The following SLC35E2B variants were observed in gnomAD, a reference collection of about 807,000 sequenced individuals.
The protein encoded by SLC35E2B is solute carrier family 35, member E2B.
In SLC35E2B, 18 loss-of-function variants were observed where a neutral mutation model predicts 32.4. The observed-to-expected ratio is 0.56, with a 90% CI of 0.38 to 0.82. The LOEUF (loss-of-function observed/expected upper bound fraction) is 0.82. Among genes scored for constraint, SLC35E2B ranks in the 40% least tolerant of loss-of-function variants. SLC35E2B has a pLI of 0.00. For missense variants in SLC35E2B, 263 were observed against 469.5 expected (o/e 0.56, Z 4.06); for synonymous variants, 132 against 209.1 (o/e 0.63, Z 3.18).
rs1315323886 is a variant in SLC35E2B, at chr1:1,665,010, G to A, written c.*772C>T. Reference sequence around the variant, plus strand: ...AGGTTTGTCCTCAACCTCAGGGCTGGAAACCCCCACAGGTAGGAGGGCAGG... The same window carrying A: ...AGGTTTGTCCTCAACCTCAGGGCTGAAAACCCCCACAGGTAGGAGGGCAGG... On this transcript the variant is annotated 3_prime_UTR_variant, in exon 10 of 10. Coordinates refer to ENST00000617444, the MANE Select transcript of SLC35E2B (RefSeq NM_001290264.2). 2.2e-5 allele frequency: 22 copies of A among 980,074 alleles called. No homozygotes were observed. Among genetic ancestry groups the A allele is most frequent in the Non-Finnish European group, 2.7e-5 (22 of 825,200 alleles). 60.7% of individuals were successfully genotyped at this position (980,074 alleles called of 1,614,324 possible).
intron 2 of SLC35E2B, among the ~76,000 whole-genome samples, chr1:1,690,228 CA>C (rs1487747998): frequency 1.4e-5 from 2 of 139,158 alleles, no homozygotes; most frequent in Non-Finnish European, 3.1e-5. Flanking sequence ...TGTGATGAGC[CA>C]AGATCGCGCC....
chr1:1,671,688 G>A (rs1202777259), intron 5 of SLC35E2B, 59 bp from the exon 6 acceptor site: 4 of 1,417,128 alleles, frequency 2.8e-6, no homozygotes, highest in Admixed American at 2.9e-5. Flanking sequence ...TCCCTCCCGA[G>A]GGCCAGGCTG....
At position 1,685,564 on chromosome 1, in the gene SLC35E2B, T is replaced by C. The variant is rs1643940419; in HGVS notation, c.-148+5412A>G. Among the ~76,000 whole-genome samples, 3 of 151,848 alleles carry C rather than the reference T, an allele frequency of 2.0e-5. No homozygotes were observed. The South Asian group carries it at 6.2e-4, about 32-fold the overall frequency. ...TGACTTTCAGAACCATGAAAATATG[T>C]CGCTTGCTTAAAAAGCAAAAATAAT... On this transcript the variant is annotated intron_variant, in intron 2 of 9. Coordinates refer to ENST00000617444, the MANE Select transcript of SLC35E2B (RefSeq NM_001290264.2).
At chr1:1,685,866 C>T (rs1327526732) in intron 2 of SLC35E2B, among the ~76,000 whole-genome samples, 2 of 152,210 alleles carry the variant, frequency 1.3e-5, no homozygotes, top group Non-Finnish European at 2.9e-5. Context: ...GAGTCTCGCT[C>T]TGTCGCCCAG....
chr1:1,685,894 C>T (rs1357572357), intron 2 of SLC35E2B, among the ~76,000 whole-genome samples: 11 of 152,168 alleles, frequency 7.2e-5, no homozygotes, highest in Non-Finnish European at 8.8e-5. Context: ...TGCAATGGCG[C>T]GATCTCAGCT....
rs112503197 is a variant in SLC35E2B at position 1,681,196 on chromosome 1, C to T, written c.-147-4350G>A. Reference sequence around the variant, plus strand: ...AACTGTCTAGTGAGACCTTTCTTTCCTTTTCCTTTTCTTTTTTTCGAGATA... The same window carrying T: ...AACTGTCTAGTGAGACCTTTCTTTCTTTTTCCTTTTCTTTTTTTCGAGATA... On this transcript the variant is annotated intron_variant, in intron 2 of 9. Coordinates refer to ENST00000617444, the MANE Select transcript of SLC35E2B (RefSeq NM_001290264.2). 7.4e-3 allele frequency among the ~76,000 whole-genome samples: 1,122 copies of T among 151,994 alleles called. 18 individuals carry two copies. The highest frequency in any genetic ancestry group is 0.026 in the African/African-American group (1,076 of 41,438).
chr1:1,668,508 C>T (rs1643601359), intron 8 of SLC35E2B, 36 bp from the exon 9 acceptor site: 1 of 1,613,862 alleles, frequency 6.2e-7, no homozygotes, highest in Non-Finnish European at 8.5e-7. Context: ...TATCGGTTTC[C>T]ATTTTCCATT....
chr1:1,671,521 T>C lies in SLC35E2B; in HGVS notation c.695A>G (p.Asn232Ser). ...VLGFSAALST[N>S]IMDCLQNVFS... is the part of the protein sequence containing the mutation. ...CTCTGTGACTCACCAGTCCATGATG[T>C]TGGTGGACAGTGCGGCCGAGAACCC... Residue 232 changes from asparagine to serine, a missense_variant, in exon 6 of 10, where the codon AAC becomes AGC. Around this residue, in one of 7 missense-constraint regions of SLC35E2B, gnomAD observed 129 missense variants for 164.5 expected, o/e 0.78. Transcript: ENST00000617444. 6.5e-7 allele frequency: 1 copy of C among 1,541,306 alleles called. No individual in the cohort carries two copies. The highest frequency in any genetic ancestry group is 8.8e-7 in the Non-Finnish European group (1 of 1,141,934).
chr1:1,670,087 A>G lies in SLC35E2B; in HGVS notation c.761+11T>C, dbSNP rs1643647506. 1 of 1,549,478 alleles carries G rather than the reference A, an allele frequency of 6.5e-7. No individual in the cohort carries two copies. The highest frequency in any genetic ancestry group is 1.4e-5 in the African/African-American group (1 of 72,970). On this transcript the variant is annotated intron_variant, in intron 7 of 9. Coordinates refer to ENST00000617444, the MANE Select transcript of SLC35E2B (RefSeq NM_001290264.2). ...TATGACTTGGAGATTTCACTGACGAATAATACTTACGAGAACCTGTATTTG... is the reference window on the plus strand; with the variant it reads ...TATGACTTGGAGATTTCACTGACGAGTAATACTTACGAGAACCTGTATTTG...
intron 5 of SLC35E2B, among the ~76,000 whole-genome samples, chr1:1,674,644 AAAC>A (rs1643794630): frequency 2.6e-5 from 4 of 150,978 alleles, no homozygotes; most frequent in Admixed American, 2.6e-4. Context: ...AAAAAAAAAA[AAAC>A]AAAAAAAAAC....
At chr1:1,667,022 T>G (rs1231982246) in intron 9 of SLC35E2B, among the ~76,000 whole-genome samples, 10 of 3,282 alleles carry the variant, frequency 3.0e-3, no homozygotes, top group Admixed American at 0.011. Context: ...GGAGAATCAC[T>G]TCAACCCGGG....
At chr1:1,674,653 A>T (rs1339794518) in intron 5 of SLC35E2B, among the ~76,000 whole-genome samples, 3 of 151,574 alleles carry the variant, frequency 2.0e-5, no homozygotes, top group Non-Finnish European at 4.4e-5. Flanking sequence ...AAAACAAAAA[A>T]AAACCAGAGT....
chr1:1,677,910 C>A (rs1188792008), intron 2 of SLC35E2B, among the ~76,000 whole-genome samples: 1 of 151,894 alleles, frequency 6.6e-6, no homozygotes, highest in Non-Finnish European at 1.5e-5. Context: ...TGGGAATCAT[C>A]CCCCCAGCTG....
chr1:1,679,458 T>C (rs993475640), intron 2 of SLC35E2B, among the ~76,000 whole-genome samples: 1 of 152,030 alleles, frequency 6.6e-6, no homozygotes, highest in Non-Finnish European at 1.5e-5. Context: ...CACCCTAATG[T>C]TTGCTCACAA....
At chr1:1,686,575 G>A (rs913657655) in intron 2 of SLC35E2B, among the ~76,000 whole-genome samples, 2 of 149,500 alleles carry the variant, frequency 1.3e-5, no homozygotes, top group Non-Finnish European at 3.0e-5. Flanking sequence ...CCTGAGGTCA[G>A]GAGTTCATGG....
chr1:1,690,217 T>G (rs1357284038), intron 2 of SLC35E2B, among the ~76,000 whole-genome samples: 1 of 145,028 alleles, frequency 6.9e-6, no homozygotes, highest in Non-Finnish European at 1.5e-5. Context: ...GAGGCAGAGG[T>G]TGTGATGAGC....
chr1:1,675,099 C>A (rs1471502391), intron 5 of SLC35E2B, among the ~76,000 whole-genome samples: 1 of 151,190 alleles, frequency 6.6e-6, no homozygotes, highest in Non-Finnish European at 1.5e-5. Context: ...GGAGCCACGG[C>A]CGCCTGTGTG....
chr1:1,679,194 G>A (rs562444666), intron 2 of SLC35E2B, among the ~76,000 whole-genome samples: 1 of 152,194 alleles, frequency 6.6e-6, no homozygotes, highest in Non-Finnish European at 1.5e-5. Flanking sequence ...ACCCCTCCAG[G>A]AGCAAGGAAC....
At chr1:1,669,236 C>A (rs1009903801) in intron 8 of SLC35E2B, among the ~76,000 whole-genome samples, 1 of 151,624 alleles carries the variant, frequency 6.6e-6, no homozygotes, top group African/African-American at 2.4e-5. Context: ...CTACAAATTG[C>A]AGGTCCCAGC....
Sources: gnomAD v4.1 joint callset for allele counts (sites outside exome capture counted in the v4.1 genomes callset) on GRCh38, gnomAD v4.1.1 for gene constraint, gnomAD v4.1.1 regional missense constraint, MANE v1.5 for transcripts, NCBI Gene and HGNC (gene_info 2026-07-23, HGNC 2026-07-21) for gene names.